Variants in RSL24D1 observed in about 807,000 individuals in gnomAD.
RSL24D1 encodes ribosomal L24 domain containing 1.
Under a neutral mutation model 26.2 loss-of-function variants are expected in RSL24D1, and 6 were observed. The observed-to-expected ratio is 0.23, with a 90% CI of 0.13 to 0.45. The LOEUF (loss-of-function observed/expected upper bound fraction) is 0.45, where lower values mean the gene tolerates loss of function less well. RSL24D1 is among the 20% of genes least tolerant of loss of function. The pLI is 0.99. For synonymous variants in RSL24D1, 61 were observed against 59.1 expected (o/e 1.03, Z -0.15); for missense variants, 176 against 202.6 (o/e 0.87, Z 0.80).
At chr15:55,185,609 C>G (rs1340717495) in intron 3 of RSL24D1, among the ~76,000 whole-genome samples, 184 bp from the exon 4 acceptor site, 1 of 152,166 alleles carries the variant, frequency 6.6e-6, no homozygotes, top group African/African-American at 2.4e-5. Flanking sequence ...TCATGACTCT[C>G]AACATTCTCT....
At chr15:55,183,265 T>G in intron 5 of RSL24D1, 50 bp downstream of exon 5, 1 of 1,334,446 alleles carries the variant, frequency 7.5e-7, no homozygotes, top group Non-Finnish European at 1.1e-6. Context: ...AGTTAGTTGG[T>G]ACCCAAATAC....
intron 2 of RSL24D1, among the ~76,000 whole-genome samples, chr15:55,191,485 A>G (rs1410973427): frequency 6.6e-6 from 1 of 151,610 alleles, no homozygotes; most frequent in Non-Finnish European, 1.5e-5. Flanking sequence ...AAAAAAAAAG[A>G]GAGAGAAAAC....
At chr15:55,184,779 G>A (rs1342645215) in intron 4 of RSL24D1, among the ~76,000 whole-genome samples, 1 of 152,188 alleles carries the variant, frequency 6.6e-6, no homozygotes, top group Non-Finnish European at 1.5e-5. Flanking sequence ...TATGATGCAT[G>A]AGAAGGATAC....
intron 3 of RSL24D1, among the ~76,000 whole-genome samples, chr15:55,188,106 T>C (rs936415225): frequency 3.3e-5 from 5 of 152,164 alleles, no homozygotes; most frequent in Non-Finnish European, 7.3e-5. Flanking sequence ...CTCACACAAT[T>C]TGATAATGTA....
At chr15:55,184,300 G>A (rs1289518996) in intron 4 of RSL24D1, among the ~76,000 whole-genome samples, 2 of 152,068 alleles carry the variant, frequency 1.3e-5, no homozygotes, top group African/African-American at 4.8e-5. Flanking sequence ...TCTGCCTGAA[G>A]GAACTCCCAC....
chr15:55,191,066 G>A lies in RSL24D1; in HGVS notation c.196-19C>T. On this transcript the variant is annotated intron_variant, in intron 2 of 5. Coordinates refer to ENST00000260443, the MANE Select transcript of RSL24D1 (RefSeq NM_016304.3). Reference sequence around the variant, plus strand: ...AATTATCCTGTAAGAGGGAACAGAGGAGATAAAAATAAGGTTTTAAGAAAG... The same window carrying A: ...AATTATCCTGTAAGAGGGAACAGAGAAGATAAAAATAAGGTTTTAAGAAAG... 1 of 1,532,654 alleles carries A rather than the reference G, an allele frequency of 6.5e-7. No individual in the cohort carries two copies. The allele number at this position is 1,532,654 out of a possible 1,614,324, so 94.9% of individuals were successfully genotyped here. A position where few individuals can be genotyped will look rare whatever the true frequency, so the allele number is the denominator to read the frequency against.
At position 55,181,291 on chromosome 15, in the gene RSL24D1, C is replaced by A. The variant is rs1473342525; in HGVS notation, c.*861G>T. On this transcript the variant is annotated 3_prime_UTR_variant, in exon 6 of 6. Coordinates refer to ENST00000260443, the MANE Select transcript of RSL24D1 (RefSeq NM_016304.3). ...CAATATTTCATATCTTTGTTTAGTG[C>A]CTTTAAAGAATAAATATCAGCATTA... 6.6e-6 allele frequency: 1 copy of A among 152,390 alleles called. No homozygotes were observed. Among genetic ancestry groups the A allele is most frequent in the Non-Finnish European group, 1.5e-5 (1 of 68,000 alleles). The allele number at this position is 152,390 out of a possible 1,614,324, so 9.4% of individuals were successfully genotyped here.
chr15:55,190,707 TTA>T (rs1165328089), intron 3 of RSL24D1, among the ~76,000 whole-genome samples: 4 of 152,332 alleles, frequency 2.6e-5, no homozygotes, highest in African/African-American at 9.6e-5. Context: ...TCAGCCATTT[TTA>T]TGTTTTTACA....
intron 3 of RSL24D1, among the ~76,000 whole-genome samples, chr15:55,189,210 A>AAG (rs1894265642): frequency 1.3e-5 from 2 of 151,158 alleles, no homozygotes; most frequent in African/African-American, 4.9e-5. Context: ...AAAAAAAAAA[A>AAG]AAAGAAATGC....
intron 4 of RSL24D1, among the ~76,000 whole-genome samples, chr15:55,184,403 C>G (rs1264747254): frequency 6.6e-6 from 1 of 152,092 alleles, no homozygotes; most frequent in African/African-American, 2.4e-5. Flanking sequence ...TGAATACACA[C>G]AGATGTAATA....
intron 3 of RSL24D1, among the ~76,000 whole-genome samples, chr15:55,186,718 GA>G (rs1397891857): frequency 6.6e-6 from 1 of 152,136 alleles, no homozygotes; most frequent in Non-Finnish European, 1.5e-5. Context: ...GACAATTGGA[GA>G]AATATGAATA....
At chr15:55,186,335 T>G (rs1894224023) in intron 3 of RSL24D1, among the ~76,000 whole-genome samples, 1 of 152,106 alleles carries the variant, frequency 6.6e-6, no homozygotes, top group South Asian at 2.1e-4. Flanking sequence ...GTATACTTAT[T>G]AATTAAAAAG....
In RSL24D1 at chr15:55,182,189, T is replaced by C. The variant is rs763224716; in HGVS notation, c.455A>G (p.Gln152Arg). The C allele has an allele frequency of 1.2e-6, 2 of 1,609,340 alleles. No homozygotes were observed. Among genetic ancestry groups the C allele is most frequent in the Admixed American group, 1.7e-5 (1 of 59,936 alleles). Reference protein sequence around the residue: ...GKQLEEKMVQQLQEDVDMEDA... With the variant: ...GKQLEEKMVQRLQEDVDMEDA... ...TTCCATGTCCACATCCTCTTGTAAC[T>C]GCTGTACCATTTTCTCTTCCAACTG... is the stretch of plus-strand genomic sequence containing the variant. The change falls in exon 6 of 6, where the codon CAG becomes CGG. Residue 152 changes from glutamine to arginine, a missense_variant. By Grantham distance (43) the Gln-to-Arg change is conservative (BLOSUM62 1). Around this residue, in one of 3 missense-constraint regions of RSL24D1, gnomAD observed 43 missense variants for 38.7 expected, o/e 1.11. Transcript: ENST00000260443.
chr15:55,195,269 A>T (rs1465312943), intron 1 of RSL24D1: 1 of 152,178 alleles, frequency 6.6e-6, no homozygotes, highest in Non-Finnish European at 1.5e-5. Context: ...CTGAGGTACT[A>T]AGGAATTCTC....
At chr15:55,184,697 C>T (rs1894205228) in intron 4 of RSL24D1, among the ~76,000 whole-genome samples, 1 of 152,092 alleles carries the variant, frequency 6.6e-6, no homozygotes, top group Non-Finnish European at 1.5e-5. Flanking sequence ...AGTGGAGAAA[C>T]CTGACAGACA....
intron 1 of RSL24D1, chr15:55,195,173 A>C (rs1894341773): frequency 6.6e-6 from 1 of 152,150 alleles, no homozygotes; most frequent in Non-Finnish European, 1.5e-5. Context: ...TAGATACAAA[A>C]GGTGAAAAGA....
chr15:55,192,863 C>T, intron 1 of RSL24D1, 30 bp from the exon 2 acceptor site: 1 of 1,501,946 alleles, frequency 6.7e-7, no homozygotes, highest in South Asian at 1.1e-5. Flanking sequence ...ATTGAGAAGT[C>T]AACATTAAAA....
intron 4 of RSL24D1, among the ~76,000 whole-genome samples, chr15:55,183,637 A>G (rs777998034): frequency 6.6e-6 from 1 of 152,156 alleles, no homozygotes; most frequent in Non-Finnish European, 1.5e-5. Context: ...TTACTCCCAA[A>G]TGGCAAGTGG....
chr15:55,184,355 A>C (rs2140589982), intron 4 of RSL24D1, among the ~76,000 whole-genome samples: 1 of 152,358 alleles, frequency 6.6e-6, no homozygotes, highest in South Asian at 2.1e-4. Flanking sequence ...AATAATGACA[A>C]TAAAGAATTA....
Sources: gnomAD v4.1 joint callset for allele counts (sites outside exome capture counted in the v4.1 genomes callset) on GRCh38, gnomAD v4.1.1 for gene constraint, gnomAD v4.1.1 regional missense constraint, MANE v1.5 for transcripts, NCBI Gene and HGNC (gene_info 2026-07-23, HGNC 2026-07-21) for gene names.